Variants in TMEM108 observed in about 807,000 individuals in gnomAD.
TMEM108 encodes the protein transmembrane protein 108.
A neutral mutation model predicts 35.1 loss-of-function variants in TMEM108; 12 were observed. The observed-to-expected ratio is 0.34, with a 90% CI of 0.22 to 0.55. The LOEUF (loss-of-function observed/expected upper bound fraction) is 0.55, where lower values mean the gene tolerates loss of function less well. Among genes scored for constraint, TMEM108 ranks in the 20% least tolerant of loss-of-function variants. The pLI is 0.89. For missense variants in TMEM108, 680 were observed against 753.3 expected (o/e 0.90, Z 1.14); for synonymous variants, 287 against 308.6 (o/e 0.93, Z 0.73).
At chr3:133,051,820 A>G (rs1186955344) in intron 2 of TMEM108, among the ~76,000 whole-genome samples, 1 of 152,076 alleles carries the variant, frequency 6.6e-6, no homozygotes, top group African/African-American at 2.4e-5. Context: ...GGATGTAGGT[A>G]TATTTCTAGG....
chr3:133,182,229 G>T (rs1945357575), intron 2 of TMEM108, among the ~76,000 whole-genome samples: 1 of 152,130 alleles, frequency 6.6e-6, no homozygotes, highest in African/African-American at 2.4e-5. Context: ...CTACATTGAA[G>T]GCAAGGAAGG....
At chr3:133,152,561 A>G (rs1944817678) in intron 2 of TMEM108, among the ~76,000 whole-genome samples, 1 of 152,070 alleles carries the variant, frequency 6.6e-6, no homozygotes, top group Non-Finnish European at 1.5e-5. Context: ...ACCCCTGTAT[A>G]TCTCCCCTGG....
intron 2 of TMEM108, among the ~76,000 whole-genome samples, chr3:133,102,876 A>AC (rs35178617): frequency 0.24 from 36,799 of 152,002 alleles, 4,730 homozygotes; most frequent in Admixed American, 0.33. Flanking sequence ...TTCCATTCAA[A>AC]CCCCCAATGA....
intron 2 of TMEM108, among the ~76,000 whole-genome samples, chr3:133,115,768 A>G (rs761747131): frequency 6.6e-6 from 1 of 152,248 alleles, no homozygotes; most frequent in Non-Finnish European, 1.5e-5. Flanking sequence ...AATATCTGCT[A>G]TATGCAGGCA....
At chr3:133,206,208 A>G (rs150671281) in intron 2 of TMEM108, among the ~76,000 whole-genome samples, 2,086 of 152,212 alleles carry the variant, frequency 0.014, 55 homozygotes, top group African/African-American at 0.048. Context: ...CTAACCTTTT[A>G]TCAAGGTTCT....
intron 3 of TMEM108, among the ~76,000 whole-genome samples, chr3:133,362,527 G>A (rs2072382688): frequency 6.6e-6 from 1 of 152,166 alleles, no homozygotes; most frequent in Admixed American, 6.5e-5. Context: ...AAGACCAAGG[G>A]CAAATTTTGG....
chr3:133,107,248 C>G (rs756892637), intron 2 of TMEM108, among the ~76,000 whole-genome samples: 1 of 152,108 alleles, frequency 6.6e-6, no homozygotes, highest in Non-Finnish European at 1.5e-5. Context: ...CCTGCTTCAT[C>G]TTTTTTGTTC....
chr3:133,259,166 G>T (rs183509152), intron 3 of TMEM108, among the ~76,000 whole-genome samples: 1 of 152,264 alleles, frequency 6.6e-6, no homozygotes, highest in Non-Finnish European at 1.5e-5. Context: ...GTTTCACTTC[G>T]TACTTTAATA....
chr3:133,321,219 AT>A (rs2071263626), intron 3 of TMEM108, among the ~76,000 whole-genome samples: 1 of 152,222 alleles, frequency 6.6e-6, no homozygotes, highest in African/African-American at 2.4e-5. Flanking sequence ...AAGATAGAGA[AT>A]GGCAGAATAG....
intron 2 of TMEM108, among the ~76,000 whole-genome samples, chr3:133,126,489 AAAG>A (rs1451831879): frequency 2.0e-5 from 3 of 151,780 alleles, no homozygotes; most frequent in Non-Finnish European, 2.9e-5. Flanking sequence ...AAAAAAAAAA[AAAG>A]AAAGTGGTGG....
At chr3:133,156,686 A>C (rs1383430057) in intron 2 of TMEM108, among the ~76,000 whole-genome samples, 1 of 152,218 alleles carries the variant, frequency 6.6e-6, no homozygotes, top group Non-Finnish European at 1.5e-5. Flanking sequence ...TTTGTGATGT[A>C]CAAAAATGTC....
intron 2 of TMEM108, among the ~76,000 whole-genome samples, chr3:133,056,029 C>T (rs1943461415): frequency 6.6e-6 from 1 of 152,194 alleles, no homozygotes. Flanking sequence ...TTGGTTTCCT[C>T]TGGTGTTTCT....
At chr3:133,267,355 C>G (rs141632635) in intron 3 of TMEM108, among the ~76,000 whole-genome samples, 2 of 152,106 alleles carry the variant, frequency 1.3e-5, no homozygotes, top group African/African-American at 4.8e-5. Flanking sequence ...GGCAGCCCAG[C>G]GGAGAGGCGT....
intron 2 of TMEM108, among the ~76,000 whole-genome samples, chr3:133,224,815 CAA>C (rs1491556036): frequency 1.5e-4 from 22 of 151,634 alleles, no homozygotes; most frequent in Admixed American, 7.3e-4. Context: ...GTGCATAAAA[CAA>C]GAAGCAATGA....
At chr3:133,208,739 GC>G (rs1480742608) in intron 2 of TMEM108, among the ~76,000 whole-genome samples, 1 of 152,146 alleles carries the variant, frequency 6.6e-6, no homozygotes. Flanking sequence ...TTTTACAGCA[GC>G]CAGTGGTAGA....
intron 2 of TMEM108, among the ~76,000 whole-genome samples, chr3:133,196,113 A>G (rs1189234359): frequency 6.6e-6 from 1 of 152,128 alleles, no homozygotes; most frequent in Non-Finnish European, 1.5e-5. Context: ...TCTCCTTGTC[A>G]TCTTCTCATT....
chr3:133,066,622 CCTT>C (rs1233491151), intron 2 of TMEM108, among the ~76,000 whole-genome samples: 1 of 152,158 alleles, frequency 6.6e-6, no homozygotes, highest in African/African-American at 2.4e-5. Flanking sequence ...CATTTACCTT[CCTT>C]CTTCTATAGT....
intron 3 of TMEM108, among the ~76,000 whole-genome samples, chr3:133,262,363 A>G (rs1367755627): frequency 6.6e-6 from 1 of 152,254 alleles, no homozygotes; most frequent in Non-Finnish European, 1.5e-5. Context: ...ATAAAATAGG[A>G]CATGCACAAG....
intron 2 of TMEM108, among the ~76,000 whole-genome samples, chr3:133,052,450 T>A (rs571938146): frequency 6.6e-5 from 10 of 151,980 alleles, no homozygotes; most frequent in Admixed American, 3.3e-4. Flanking sequence ...TTTTATTTCT[T>A]CCTTCCCAAT....
Sources: gnomAD v4.1 joint callset for allele counts (sites outside exome capture counted in the v4.1 genomes callset) on GRCh38, gnomAD v4.1.1 for gene constraint, MANE v1.5 for transcripts, NCBI Gene and HGNC (gene_info 2026-07-23, HGNC 2026-07-21) for gene names.